Variants in PCDHA10 observed in about 807,000 individuals in gnomAD.
PCDHA10 encodes the protein protocadherin alpha 10, also known as protocadherin alpha-10.
In PCDHA10, 45 loss-of-function variants were observed where a neutral mutation model predicts 61.2. The ratio of observed to expected loss-of-function variants is 0.74; its 90% CI spans 0.58 to 0.94. The LOEUF (loss-of-function observed/expected upper bound fraction) is 0.94, where lower values mean the gene tolerates loss of function less well. Ranked by LOEUF, PCDHA10 falls within the 40% of genes least tolerant of loss-of-function variation. The probability of loss-of-function intolerance (pLI) is 0.00; values close to 1 mark genes in which losing one functional copy is unlikely to be tolerated. For synonymous variants in PCDHA10, 602 were observed against 548.8 expected (o/e 1.10, Z -1.35); for missense variants, 1,278 against 1,236.2 (o/e 1.03, Z -0.51).
intron 1 of PCDHA10, chr5:140,865,473 G>C (rs1425429584): frequency 6.6e-6 from 1 of 152,122 alleles, no homozygotes; most frequent in African/African-American, 2.4e-5. Context: ...TAAACATTAA[G>C]GAAATCTTCA....
At position 140,894,665 on chromosome 5, in the gene PCDHA10, G is replaced by T. The variant is rs189476056; in HGVS notation, c.2388+36229G>T. Among the ~76,000 whole-genome samples, 418 of 151,474 alleles carry T rather than the reference G, an allele frequency of 2.8e-3. 2 individuals are homozygous for T. Among genetic ancestry groups the T allele is most frequent in the Middle Eastern group, 0.011 (3 of 280 alleles). On this transcript the variant is annotated intron_variant, in intron 1 of 3. Transcript: ENST00000307360. ...CTGAGTCTCTCTAATTCTGATTTGT[G>T]TATTCTTGCATAGCTTTTCATTATT...
intron 1 of PCDHA10, chr5:140,877,051 G>C (rs1554169275): frequency 1.2e-6 from 2 of 1,612,752 alleles, no homozygotes; most frequent in Non-Finnish European, 1.7e-6. Context: ...AGACCACGAG[G>C]AGCTGGAGCT....
chr5:140,943,276 AAG>A (rs1491082610), intron 1 of PCDHA10, among the ~76,000 whole-genome samples: 3,151 of 135,552 alleles, frequency 0.023, 213 homozygotes, highest in African/African-American at 0.087. Flanking sequence ...AAAAAAAAAA[AAG>A]AAAGAAAGAA....
intron 3 of PCDHA10, among the ~76,000 whole-genome samples, chr5:140,995,791 T>C (rs547359105): frequency 1.3e-5 from 2 of 152,266 alleles, no homozygotes; most frequent in South Asian, 4.1e-4. Context: ...TTAAAATTTG[T>C]CTCATGTTAG....
intron 1 of PCDHA10, among the ~76,000 whole-genome samples, chr5:140,945,549 G>A (rs246058): frequency 0.56 from 85,718 of 151,780 alleles, 24,784 homozygotes; most frequent in African/African-American, 0.69. Context: ...ACAAAAAAAT[G>A]AAGCTGAAGA....
rs371830340 is a variant in PCDHA10 at position 140,947,864 on chromosome 5, C to G, written c.2389-31085C>G. Reference sequence around the variant, plus strand: ...TTTATTTATTTTGTCATTATAATGGCTAGGACTTCCAGGACAATATAAACA... The same window carrying G: ...TTTATTTATTTTGTCATTATAATGGGTAGGACTTCCAGGACAATATAAACA... On this transcript the variant is annotated intron_variant, in intron 1 of 3. Coordinates refer to ENST00000307360, the MANE Select transcript of PCDHA10 (RefSeq NM_018901.4). Among the ~76,000 whole-genome samples the G allele has an allele frequency of 1.4e-4, 21 of 151,554 alleles. No homozygotes were observed. The East Asian group carries it at 2.3e-3, about 17-fold the overall frequency.
At chr5:140,877,192 G>A in intron 1 of PCDHA10, 2 of 1,613,846 alleles carry the variant, frequency 1.2e-6, no homozygotes, top group Non-Finnish European at 1.7e-6. Flanking sequence ...TGGCAGCGCA[G>A]GAGGCGCAGT....
Position 140,869,089 on chromosome 5 carries a change from C to A in PCDHA10, c.2388+10653C>A, listed in dbSNP as rs141432478. On this transcript the variant is annotated intron_variant, in intron 1 of 3. Coordinates refer to ENST00000307360, the MANE Select transcript of PCDHA10 (RefSeq NM_018901.4). Reference sequence around the variant, plus strand: ...AGTGTAAAGAAGCTTATTTTGGAAGCCAATTTCGTATGCGATGTTTGGTTT... The same window carrying A: ...AGTGTAAAGAAGCTTATTTTGGAAGACAATTTCGTATGCGATGTTTGGTTT... 9.7e-5 allele frequency: 154 copies of A among 1,588,996 alleles called. No individual in the cohort carries two copies. The East Asian group carries it at 3.4e-3, about 35-fold the overall frequency.
intron 1 of PCDHA10, chr5:140,876,688 T>A (rs1382110439): frequency 2.5e-6 from 4 of 1,614,172 alleles, no homozygotes; most frequent in Non-Finnish European, 3.4e-6. Context: ...GAATTACTAC[T>A]CGTTGGTGCT....
At chr5:140,996,077 G>A in intron 3 of PCDHA10, among the ~76,000 whole-genome samples, 1 of 152,218 alleles carries the variant, frequency 6.6e-6, no homozygotes, top group East Asian at 1.9e-4. Flanking sequence ...GATTCAAGAT[G>A]TTTTTGCTAG....
At chr5:140,998,903 G>C (rs1465203456) in intron 3 of PCDHA10, among the ~76,000 whole-genome samples, 1 of 152,156 alleles carries the variant, frequency 6.6e-6, no homozygotes, top group East Asian at 1.9e-4. Context: ...CAATGCCTCC[G>C]GGAGGTAGCT....
intron 2 of PCDHA10, among the ~76,000 whole-genome samples, chr5:140,981,011 T>C (rs1363062809): frequency 6.6e-6 from 1 of 152,132 alleles, no homozygotes; most frequent in African/African-American, 2.4e-5. Flanking sequence ...CCAGGAACAC[T>C]TGAAGGCTGT....
In PCDHA10 at chr5:140,884,016, G is replaced by A. The variant is rs143828814; in HGVS notation, c.2388+25580G>A. 13 of 1,613,090 alleles carry A rather than the reference G, an allele frequency of 8.1e-6. No individual in the cohort carries two copies. In the Admixed American group the frequency reaches 1.2e-4, roughly 14 times the overall value. On this transcript the variant is annotated intron_variant, in intron 1 of 3. Coordinates refer to ENST00000307360, the MANE Select transcript of PCDHA10 (RefSeq NM_018901.4). ...GGCACAGTGAGCGAGCTGATGCCGC[G>A]GTCGGTGGGTGCAGGCCACGTGGTG...
At chr5:140,885,176 G>A (rs965470861) in intron 1 of PCDHA10, among the ~76,000 whole-genome samples, 1 of 151,510 alleles carries the variant, frequency 6.6e-6, no homozygotes. Context: ...TGTCCTCTAG[G>A]CACATCAGTG....
Position 140,875,940 on chromosome 5 carries a change from C to T in PCDHA10, c.2388+17504C>T, listed in dbSNP as rs782320801. ...TGGACTCTCATTTTCCTCTAGAGGG[C>T]GCTTCTGATGCGGATATCGGCGTAA... On this transcript the variant is annotated intron_variant, in intron 1 of 3. Transcript: ENST00000307360. 5.0e-6 allele frequency: 8 copies of T among 1,613,964 alleles called. No individual in the cohort carries two copies. In the South Asian group the frequency reaches 6.6e-5, roughly 13 times the overall value.
At chr5:140,990,227 A>G (rs1424384055) in intron 3 of PCDHA10, among the ~76,000 whole-genome samples, 1 of 152,134 alleles carries the variant, frequency 6.6e-6, no homozygotes, top group Non-Finnish European at 1.5e-5. Flanking sequence ...GTTTATTGTA[A>G]CTAGCGTTGT....
chr5:140,877,818 T>G (rs1207543793), intron 1 of PCDHA10: 3 of 1,608,774 alleles, frequency 1.9e-6, no homozygotes, highest in African/African-American at 2.7e-5. Context: ...CTCGAGAAGA[T>G]TGTTTAAATC....
At chr5:140,871,120 C>G (rs1554165154) in intron 1 of PCDHA10, 1 of 1,613,342 alleles carries the variant, frequency 6.2e-7, no homozygotes, top group Non-Finnish European at 8.5e-7. Flanking sequence ...GGAGAGCGGA[C>G]AGGCGCCAAA....
intron 1 of PCDHA10, chr5:140,876,718 G>T (rs1554168825): frequency 1.9e-6 from 3 of 1,614,124 alleles, no homozygotes; most frequent in African/African-American, 1.3e-5. Flanking sequence ...CCTGGACCGC[G>T]AGAGCGTGTC....
Sources: allele counts gnomAD v4.1 joint callset (sites outside exome capture counted in the v4.1 genomes callset), GRCh38; gene constraint gnomAD v4.1.1; transcripts MANE v1.5; gene names NCBI Gene and HGNC (gene_info 2026-07-23, HGNC 2026-07-21).